SEZ6L2: variants seen among roughly 807,000 people sequenced by gnomAD.
SEZ6L2 encodes the protein seizure related 6 homolog like 2.
In SEZ6L2, 44 loss-of-function variants were observed where a neutral mutation model predicts 97.0. The observed-to-expected ratio is 0.45, with a 90% CI of 0.36 to 0.58. The LOEUF (loss-of-function observed/expected upper bound fraction) is 0.58. Ranked by LOEUF, SEZ6L2 falls within the 20% of genes least tolerant of loss-of-function variation. The pLI is 0.00. For missense variants in SEZ6L2, 1,086 were observed against 1,233.3 expected (o/e 0.88, Z 1.79); for synonymous variants, 543 against 546.1 (o/e 0.99, Z 0.08).
At chr16:29,877,776 A>G (rs1014935342) in intron 10 of SEZ6L2, among the ~76,000 whole-genome samples, 1 of 151,786 alleles carries the variant, frequency 6.6e-6, no homozygotes, top group Non-Finnish European at 1.5e-5. Context: ...GCCTAGCCCA[A>G]CTCCAGCTCT....
intron 8 of SEZ6L2, 119 bp from the exon 9 acceptor site, chr16:29,880,183 TAAACA>T: frequency 1.2e-6 from 1 of 835,612 alleles, no homozygotes; most frequent in Non-Finnish European, 1.8e-6. Flanking sequence ...TTTTTTTTTT[TAAACA>T]GTCTTGTGCT....
At chr16:29,884,024 T>C (rs1344162555) in intron 8 of SEZ6L2, among the ~76,000 whole-genome samples, 1 of 152,180 alleles carries the variant, frequency 6.6e-6, no homozygotes. Context: ...TTTCTACCCC[T>C]TCACATTCAT....
In SEZ6L2 at chr16:29,873,275, G is replaced by A; in HGVS notation, c.2453C>T (p.Pro818Leu). Reference protein sequence around the residue: ...EVTITCVPGHPSQWTSQPPLC... With the variant: ...EVTITCVPGHLSQWTSQPPLC... ...TGGGGGCTGGCTGGTCCACTGGGAG[G>A]GGTGGCCGGGCACACAGGTGATGGT... The change falls in exon 14 of 18, where the codon CCC (proline) becomes CTC (leucine). Residue 818 changes from proline (P) to leucine (L), a missense_variant. By Grantham distance (98) the Pro-to-Leu change is moderately conservative. This residue lies in a region of SEZ6L2 where 310 missense variants were observed against 438.6 expected (regional missense o/e 0.71). Transcript: ENST00000617533. The surrounding 1 kb of genome is among the most constrained non-coding windows in gnomAD (Gnocchi z 4.3). 1 of 1,614,096 alleles carries A rather than the reference G, an allele frequency of 6.2e-7. No homozygotes were observed.
At chr16:29,890,465 A>G (rs2068247774) in intron 5 of SEZ6L2, among the ~76,000 whole-genome samples, 1 of 152,204 alleles carries the variant, frequency 6.6e-6, no homozygotes, top group African/African-American at 2.4e-5. Flanking sequence ...AGCCCCTTCC[A>G]TAGTTAAATG....
In SEZ6L2 at chr16:29,898,989, G is replaced by T; in HGVS notation, c.31C>A (p.Pro11Thr). ...AGAATTAGGAACAGCAGCTGGGGAG[G>T]CGGCGGGTGCTGGGCCCTGGGAGTC... is the stretch of plus-strand genomic sequence containing the variant. MGTPRAQHPPPPQLLFLILLS... is the reference protein window; with the variant it reads MGTPRAQHPPTPQLLFLILLS... Residue 11 changes from proline (P) to threonine (T), a missense_variant, in exon 1 of 18, where the codon CCT becomes ACT. Coordinates refer to ENST00000617533, the MANE Select transcript of SEZ6L2 (RefSeq NM_001243332.2). The T allele has an allele frequency of 6.2e-7, 1 of 1,611,944 alleles. No individual in the cohort carries two copies. The highest frequency in any genetic ancestry group is 8.5e-7 in the Non-Finnish European group (1 of 1,179,630).
At chr16:29,871,795 G>T in intron 17 of SEZ6L2, 67 bp from the exon 18 acceptor site, 1 of 1,454,150 alleles carries the variant, frequency 6.9e-7, no homozygotes, top group Non-Finnish European at 9.5e-7. Flanking sequence ...CCGAATGGGA[G>T]GAGGGGCAAC....
At chr16:29,896,696 T>G (rs983996523) in intron 3 of SEZ6L2, 126 bp downstream of exon 3, 3 of 752,946 alleles carry the variant, frequency 4.0e-6, no homozygotes, top group East Asian at 2.6e-5. Flanking sequence ...AATGCTACCT[T>G]TGTTATTATT....
At chr16:29,874,331 C>G (rs1188105768) in intron 12 of SEZ6L2, among the ~76,000 whole-genome samples, 5 of 152,074 alleles carry the variant, frequency 3.3e-5, no homozygotes, top group Non-Finnish European at 7.4e-5. Flanking sequence ...GTCTGTGGAA[C>G]AGCAGCTGCC....
Position 29,878,350 on chromosome 16 carries a change from C to G in SEZ6L2, c.1649G>C (p.Gly550Ala). 1 of 1,607,160 alleles carries G rather than the reference C, an allele frequency of 6.2e-7. No individual in the cohort carries two copies. The highest frequency in any genetic ancestry group is 8.5e-7 in the Non-Finnish European group (1 of 1,176,512). Reference protein sequence around the residue: ...SPDWPQSYSPGQDCVWGVHVQ... With the variant: ...SPDWPQSYSPAQDCVWGVHVQ... The stretch of plus-strand genomic sequence containing the variant: ...GTGCACGCCCCACACGCAGTCTTGG[C>G]CCGGGCTATAGCTCTGGGGCCAGTC... The change falls in exon 10 of 18, where the codon GGC (glycine) becomes GCC (alanine). Residue 550 changes from glycine to alanine, a missense_variant. Physicochemically the swap from Gly to Ala is moderately conservative, Grantham distance 60 (BLOSUM62 0). Coordinates refer to ENST00000617533, the MANE Select transcript of SEZ6L2 (RefSeq NM_001243332.2).
chr16:29,895,160 C>T (rs1307056404), intron 5 of SEZ6L2, 99 bp downstream of exon 5: 7 of 1,053,174 alleles, frequency 6.6e-6, no homozygotes, highest in Admixed American at 2.5e-5. Context: ...GTCTGGGCGA[C>T]AGAGCAAGAC....
chr16:29,872,772 G>A lies in SEZ6L2; in HGVS notation c.2489-29C>T. ...CAGGGAGAGGAGGGGGAGGGGATGG[G>A]GTCTGAGCCAGGGAGGGGAGGAGGC... On this transcript the variant is annotated intron_variant, in intron 14 of 17. Coordinates refer to ENST00000617533, the MANE Select transcript of SEZ6L2 (RefSeq NM_001243332.2). 7 of 1,597,270 alleles carry A rather than the reference G, an allele frequency of 4.4e-6. No homozygotes were observed. The South Asian group carries it at 6.6e-5, about 15-fold the overall frequency.
At chr16:29,883,728 T>TG (rs1229495584) in intron 8 of SEZ6L2, among the ~76,000 whole-genome samples, 1 of 152,044 alleles carries the variant, frequency 6.6e-6, no homozygotes, top group African/African-American at 2.4e-5. Flanking sequence ...GCTCAGTAGT[T>TG]GGAGACCAGC....
intron 9 of SEZ6L2, among the ~76,000 whole-genome samples, chr16:29,879,646 C>A (rs1249123388): frequency 6.6e-6 from 1 of 152,228 alleles, no homozygotes; most frequent in African/African-American, 2.4e-5. Context: ...CAGCAGTTCT[C>A]GCTCTTGAAG....
intron 11 of SEZ6L2, 60 bp from the exon 12 acceptor site, chr16:29,877,010 C>A (rs2067918862): frequency 6.6e-7 from 1 of 1,520,860 alleles, no homozygotes; most frequent in African/African-American, 1.4e-5. Context: ...CCCTTCCAGC[C>A]TCGGAGGCTT....
intron 1 of SEZ6L2, 40 bp from the exon 2 acceptor site, chr16:29,898,024 AC>A (rs1243529163): frequency 1.9e-6 from 3 of 1,607,400 alleles, no homozygotes; most frequent in Non-Finnish European, 1.7e-6. Flanking sequence ...ACTTCCCCAC[AC>A]CCCTTCCTTC....
Position 29,897,053 on chromosome 16 carries a change from G to A in SEZ6L2, c.280C>T (p.Arg94Trp), listed in dbSNP as rs767089351. 5.4e-5 allele frequency: 86 copies of A among 1,581,150 alleles called. No individual in the cohort carries two copies. Among genetic ancestry groups the A allele is most frequent in the Non-Finnish European group, 6.4e-5 (75 of 1,171,098 alleles). The change falls in exon 3 of 18, where the codon CGG becomes TGG. Residue 94 changes from arginine to tryptophan, a missense_variant. Arg to Trp is a moderately radical substitution (Grantham distance 101). Around this residue, in one of 2 missense-constraint regions of SEZ6L2, gnomAD observed 776 missense variants for 794.7 expected, o/e 0.98. Transcript: ENST00000617533. ...GGCCCTGTCCCCGGCTCAGTGGCCC[G>A]TGGCAGGGAGGGCACTGCGAGAGTC... ...GQTLAVPSLP[R>W]ATEPGTGPLT...
At chr16:29,898,913 G>A (rs747863938) in intron 1 of SEZ6L2, 28 bp downstream of exon 1, 2 of 1,587,014 alleles carry the variant, frequency 1.3e-6, no homozygotes, top group Admixed American at 1.7e-5. Context: ...CCTTCCTGGG[G>A]CCCACCCCCA....
chr16:29,882,034 G>A (rs1335141068), intron 8 of SEZ6L2, among the ~76,000 whole-genome samples: 1 of 150,136 alleles, frequency 6.7e-6, no homozygotes, highest in Non-Finnish European at 1.5e-5. Context: ...GCAGTGGCAT[G>A]ATCTCACTTC....
In SEZ6L2 at chr16:29,873,278, T is replaced by C. The variant is rs376012729; in HGVS notation, c.2450A>G (p.His817Arg). The stretch of plus-strand genomic sequence containing the variant: ...GGGCTGGCTGGTCCACTGGGAGGGG[T>C]GGCCGGGCACACAGGTGATGGTGAC... ...GEVTITCVPG[H>R]PSQWTSQPPL... Residue 817 changes from histidine to arginine, a missense_variant, in exon 14 of 18, where the codon CAC becomes CGC. Transcript: ENST00000617533. The surrounding 1 kb of genome is among the most constrained non-coding windows in gnomAD (Gnocchi z 4.3). The C allele has an allele frequency of 5.2e-5, 84 of 1,613,734 alleles. No individual in the cohort carries two copies. The highest frequency in any genetic ancestry group is 4.8e-4 in the Admixed American group (29 of 59,976).
Sources: allele counts gnomAD v4.1 joint callset (sites outside exome capture counted in the v4.1 genomes callset), GRCh38; gene constraint gnomAD v4.1.1; regional missense constraint gnomAD v4.1.1; non-coding constraint Gnocchi (gnomAD v3.1); transcripts MANE v1.5; gene names NCBI Gene and HGNC (gene_info 2026-07-23, HGNC 2026-07-21).